MYH15: variants seen among roughly 807,000 people sequenced by gnomAD.
The protein encoded by MYH15 is myosin heavy chain 15.
MYH15 carries 227 observed loss-of-function variants against 240.5 expected under a neutral mutation model. The observed-to-expected ratio is 0.94, with a 90% CI of 0.85 to 1.05. MYH15 has a LOEUF of 1.05. Among genes scored for constraint, MYH15 ranks in the 50% least tolerant of loss-of-function variants. The pLI is 0.00. For synonymous variants in MYH15, 785 were observed against 796.7 expected (o/e 0.99, Z 0.25); for missense variants, 2,217 against 2,247.5 (o/e 0.99, Z 0.27).
intron 33 of MYH15, chr3:108,404,878 T>A (rs1458644621): frequency 6.6e-6 from 1 of 152,202 alleles, no homozygotes; most frequent in Admixed American, 6.5e-5. Flanking sequence ...AATTTCTTAA[T>A]GCCCAAGAAC....
At chr3:108,501,376 C>A (rs1466859297) in intron 3 of MYH15, among the ~76,000 whole-genome samples, 1 of 152,168 alleles carries the variant, frequency 6.6e-6, no homozygotes, top group African/African-American at 2.4e-5. Flanking sequence ...CCCCCAAGCT[C>A]CCATGGAAAG....
intron 1 of MYH15, among the ~76,000 whole-genome samples, chr3:108,526,139 G>T (rs2083668587): frequency 6.6e-6 from 1 of 151,934 alleles, no homozygotes; most frequent in Non-Finnish European, 1.5e-5. Context: ...GTGCCAAATG[G>T]GCCAATAAAG....
the MYH15 span, among the ~76,000 whole-genome samples, chr3:108,537,525 TA>T: frequency 2.6e-5 from 4 of 152,132 alleles, no homozygotes; most frequent in African/African-American, 9.7e-5. Context: ...TAAAAGAGGC[TA>T]GAGGGAACTA....
intron 24 of MYH15, among the ~76,000 whole-genome samples, chr3:108,438,903 A>T (rs898610497): frequency 3.0e-4 from 45 of 152,130 alleles, no homozygotes; most frequent in African/African-American, 8.2e-4. Context: ...TGTGATGTGC[A>T]TATATAAGCA....
At chr3:108,430,767 T>C in intron 26 of MYH15, 65 bp downstream of exon 26, 1 of 1,273,720 alleles carries the variant, frequency 7.9e-7, no homozygotes, top group Non-Finnish European at 1.1e-6. Context: ...AATTAGTCAT[T>C]GAACCACCAG....
rs2082712750 is a variant in MYH15 at position 108,424,726 on chromosome 3, C to T, written c.3703-3512G>A. On this transcript the variant is annotated intron_variant, in intron 27 of 40. Transcript: ENST00000693548. ...CATTGGCATTCTTGCCATTATAATT[C>T]ATAAAATGATAAAGTAAACAATTCA... 2.0e-5 allele frequency among the ~76,000 whole-genome samples: 3 copies of T among 152,280 alleles called. No homozygotes were observed. The South Asian group carries it at 6.2e-4, about 32-fold the overall frequency.
intron 21 of MYH15, 81 bp from the exon 22 acceptor site, chr3:108,444,976 C>T (rs1012478601): frequency 1.7e-4 from 240 of 1,435,502 alleles, no homozygotes; most frequent in Non-Finnish European, 2.1e-4. Context: ...CCTCAATAAA[C>T]ACATATTTTT....
chr3:108,467,977 T>C (rs1020148106), intron 14 of MYH15, among the ~76,000 whole-genome samples: 1 of 152,068 alleles, frequency 6.6e-6, no homozygotes, highest in Non-Finnish European at 1.5e-5. Context: ...ACTTTTTTTT[T>C]TTTTTTGAGA....
At position 108,391,940 on chromosome 3, in the gene MYH15, T is replaced by TA; in HGVS notation, c.5260-11dup. 6.2e-7 allele frequency: 1 copy of TA among 1,609,538 alleles called. No homozygotes were observed. Among genetic ancestry groups the TA allele is most frequent in the African/African-American group, 1.3e-5 (1 of 74,500 alleles). On this transcript the variant is annotated splice_polypyrimidine_tract_variant and intron_variant, in intron 36 of 40. Transcript: ENST00000693548. ...CTGACAAGTTTGCTGCCTAGGGGGT[T>TA]AAAAAAAGGGACTGAGCTAGTTCAG... is the stretch of plus-strand genomic sequence containing the variant.
intron 3 of MYH15, among the ~76,000 whole-genome samples, chr3:108,501,281 T>A (rs1476884057): frequency 2.0e-5 from 3 of 152,338 alleles, no homozygotes; most frequent in Admixed American, 6.5e-5. Context: ...AATTTAAAGA[T>A]GATGAAGAAA....
intron 33 of MYH15, 104 bp from the exon 34 acceptor site, chr3:108,399,371 C>A: frequency 9.9e-7 from 1 of 1,006,606 alleles, no homozygotes; most frequent in Non-Finnish European, 1.4e-6. Context: ...AGAATAAAAT[C>A]CAAGATAAAT....
At position 108,431,695 on chromosome 3, in the gene MYH15, G is replaced by A. The variant is rs190799483; in HGVS notation, c.3222-773C>T. ...AAAAGATACCCAAAAATGTGGAAGC[G>A]ACTTTGGAACTGGGTAATAGGCAGA... On this transcript the variant is annotated intron_variant, in intron 25 of 40. Transcript: ENST00000693548. 3.7e-4 allele frequency among the ~76,000 whole-genome samples: 56 copies of A among 152,318 alleles called. 2 individuals carry two copies. The East Asian group carries it at 9.4e-3, about 26-fold the overall frequency.
At chr3:108,523,859 T>C (rs1449993739) in intron 1 of MYH15, among the ~76,000 whole-genome samples, 2 of 151,952 alleles carry the variant, frequency 1.3e-5, no homozygotes, top group Admixed American at 1.3e-4. Context: ...TAATACCTCA[T>C]TGAAAATCTG....
chr3:108,519,895 T>A (rs556258757), intron 1 of MYH15, among the ~76,000 whole-genome samples: 1 of 152,350 alleles, frequency 6.6e-6, no homozygotes, highest in East Asian at 1.9e-4. Flanking sequence ...TCATATTTTC[T>A]GAATGTTCTT....
intron 22 of MYH15, among the ~76,000 whole-genome samples, chr3:108,442,851 T>C (rs1296008946): frequency 6.6e-6 from 1 of 151,400 alleles, no homozygotes; most frequent in African/African-American, 2.4e-5. Flanking sequence ...TATAATAATA[T>C]ATAATGATAG....
At chr3:108,518,684 G>A (rs1262626726) in intron 1 of MYH15, among the ~76,000 whole-genome samples, 3 of 152,138 alleles carry the variant, frequency 2.0e-5, no homozygotes, top group Non-Finnish European at 2.9e-5. Context: ...TCTGACCTCT[G>A]GGTGTTCACA....
At chr3:108,478,394 T>C (rs2083238330) in intron 11 of MYH15, among the ~76,000 whole-genome samples, 1 of 152,140 alleles carries the variant, frequency 6.6e-6, no homozygotes, top group African/African-American at 2.4e-5. Context: ...ACAAAGCCTA[T>C]TTGGAAAAAT....
chr3:108,501,461 G>A (rs1186763995), intron 3 of MYH15, among the ~76,000 whole-genome samples: 6 of 152,192 alleles, frequency 3.9e-5, no homozygotes, highest in African/African-American at 1.4e-4. Context: ...GTAAGTGACA[G>A]GGCTGGTGGC....
intron 1 of MYH15, among the ~76,000 whole-genome samples, chr3:108,527,612 T>C (rs1327402877): frequency 1.3e-5 from 2 of 152,166 alleles, no homozygotes; most frequent in Non-Finnish European, 2.9e-5. Flanking sequence ...GTGTTGACCA[T>C]GTCTCTGAAT....
Sources: allele counts gnomAD v4.1 joint callset (sites outside exome capture counted in the v4.1 genomes callset), GRCh38; gene constraint gnomAD v4.1.1; transcripts MANE v1.5; gene names NCBI Gene and HGNC (gene_info 2026-07-23, HGNC 2026-07-21).